Variants in APOOL observed in about 807,000 individuals in gnomAD.
APOOL encodes the protein MICOS complex subunit MIC27.
A neutral mutation model predicts 23.1 loss-of-function variants in APOOL; 12 were observed. The ratio of observed to expected loss-of-function variants is 0.52; its 90% confidence interval spans 0.33 to 0.84. APOOL has a LOEUF of 0.84. APOOL is among the 40% of genes least tolerant of loss of function. The probability of loss-of-function intolerance (pLI) is 0.02; values close to 1 mark genes in which losing one functional copy is unlikely to be tolerated. For synonymous variants in APOOL, 77 were observed against 69.9 expected, an observed-to-expected ratio of 1.10 and a Z score of -0.51; for missense variants, 212 against 199.6, an observed-to-expected ratio of 1.06 and a Z score of -0.37.
intron 5 of APOOL, among the ~76,000 whole-genome samples, chrX:85,056,626 C>A (rs953883968): frequency 2.7e-5 from 3 of 110,465 alleles, no homozygotes; most frequent in Non-Finnish European, 5.7e-5. Context: ...GCCTGTAATC[C>A]CAGCTACTCG....
chrX:85,092,815 A>C lies in APOOL; in HGVS notation c.*5137A>C, dbSNP rs1924567436. On this transcript the variant is annotated 3_prime_UTR_variant, in exon 9 of 9. Coordinates refer to ENST00000373173, the MANE Select transcript of APOOL (RefSeq NM_198450.6). ...ATCATACAGAAAAGGTGTACCTAAA[A>C]GAACACATGTTCTCATATGTTTCCA... is the stretch of plus-strand genomic sequence containing the variant. The C allele has an allele frequency of 5.9e-6, 2 of 341,111 alleles. No individual in the cohort carries two copies. The highest frequency in any genetic ancestry group is 5.1e-5 in the African/African-American group (2 of 39,038). 28.1% of individuals were successfully genotyped at this position (341,111 alleles called of 1,213,427 possible).
chrX:85,005,326 A>AC (rs1311911008), intron 1 of APOOL, among the ~76,000 whole-genome samples: 2 of 52,749 alleles, frequency 3.8e-5, no homozygotes, highest in African/African-American at 7.0e-5. Context: ...TTTTATTTTT[A>AC]TTTTTTAGTA....
At chrX:85,033,923 C>T (rs1922127364) in intron 1 of APOOL, among the ~76,000 whole-genome samples, 1 of 111,403 alleles carries the variant, frequency 9.0e-6, no homozygotes, top group Admixed American at 9.6e-5. Context: ...TGTTACTTCT[C>T]CCATTTTGTG....
chrX:85,009,274 A>G (rs1195047599), intron 1 of APOOL, among the ~76,000 whole-genome samples: 2 of 111,658 alleles, frequency 1.8e-5, no homozygotes, highest in African/African-American at 6.5e-5. Flanking sequence ...TTTGACTAGA[A>G]CTTCCAGTGC....
chrX:85,064,343 T>G (rs1923362304), intron 5 of APOOL, among the ~76,000 whole-genome samples: 1 of 107,911 alleles, frequency 9.3e-6, no homozygotes, highest in African/African-American at 3.4e-5. Context: ...CTCCTGGATT[T>G]TTTTTTTTTT....
At chrX:85,016,561 G>A (rs750634321) in intron 1 of APOOL, among the ~76,000 whole-genome samples, 50 of 110,740 alleles carry the variant, frequency 4.5e-4, no homozygotes, top group African/African-American at 1.5e-3. Context: ...CTCCTCTTAC[G>A]GGGATACACT....
At chrX:85,019,783 A>G (rs1282606381) in intron 1 of APOOL, among the ~76,000 whole-genome samples, 1 of 112,144 alleles carries the variant, frequency 8.9e-6, no homozygotes, top group Non-Finnish European at 1.9e-5. Context: ...GGGATATAAC[A>G]GTAACACAGA....
chrX:85,055,402 C>T, intron 4 of APOOL, among the ~76,000 whole-genome samples: 1 of 111,384 alleles, frequency 9.0e-6, no homozygotes, highest in South Asian at 3.7e-4. Flanking sequence ...TATCCTTAAA[C>T]TATTATTCAA....
chrX:85,070,352 T>G (rs1176213386), intron 6 of APOOL, among the ~76,000 whole-genome samples: 1 of 111,441 alleles, frequency 9.0e-6, no homozygotes, highest in Non-Finnish European at 1.9e-5. Context: ...TTACTCATCA[T>G]TTTGAAAATA....
intron 2 of APOOL, among the ~76,000 whole-genome samples, chrX:85,049,593 G>A (rs1159819631): frequency 9.0e-6 from 1 of 110,922 alleles, no homozygotes; most frequent in Non-Finnish European, 1.9e-5. Context: ...AGACCAGTCT[G>A]GGCAACAGGG....
intron 1 of APOOL, among the ~76,000 whole-genome samples, chrX:85,007,650 CG>C (rs955170497): frequency 4.5e-5 from 5 of 110,742 alleles, no homozygotes; most frequent in Non-Finnish European, 7.6e-5. Context: ...CTTCTGGAAT[CG>C]GGGAATTCCT....
In APOOL at chrX:85,057,387, C is replaced by T. The variant is rs7050194; in HGVS notation, c.394+1462C>T. Among the ~76,000 whole-genome samples the T allele has an allele frequency of 6.0e-3, 652 of 108,343 alleles. 5 individuals are homozygous for T. Among genetic ancestry groups the T allele is most frequent in the African/African-American group, 0.021 (629 of 29,872 alleles). The allele number at this position is 108,343 out of a possible 115,157, so 94.1% of individuals were successfully genotyped here. On this transcript the variant is annotated intron_variant, in intron 5 of 8. Coordinates refer to ENST00000373173, the MANE Select transcript of APOOL (RefSeq NM_198450.6). ...TGTAGTTTGTTTTTCCAGCTATAGT[C>T]CTAAAAGCCTCAAATCAAGGCATAA...
In APOOL at chrX:85,055,934, T is replaced by C. The variant is rs764217735; in HGVS notation, c.394+9T>C. On this transcript the variant is annotated intron_variant, in intron 5 of 8. Coordinates refer to ENST00000373173, the MANE Select transcript of APOOL (RefSeq NM_198450.6). ...GGTTTCAGCGAGAAAAGGTAGGGTTTTAAAAAATATATTCTCTCTTAATGC... is the reference window on the plus strand; with the variant it reads ...GGTTTCAGCGAGAAAAGGTAGGGTTCTAAAAAATATATTCTCTCTTAATGC... 1 of 1,141,241 alleles carries C rather than the reference T, an allele frequency of 8.8e-7. No individual in the cohort carries two copies. Among genetic ancestry groups the C allele is most frequent in the South Asian group, 2.0e-5 (1 of 50,146 alleles). The allele number at this position is 1,141,241 out of a possible 1,213,427, so 94.1% of individuals were successfully genotyped here.
intron 2 of APOOL, 51 bp from the exon 3 acceptor site, chrX:85,051,338 T>C (rs377104716): frequency 2.3e-5 from 28 of 1,196,610 alleles, no homozygotes; most frequent in Middle Eastern, 6.4e-4. Flanking sequence ...ACCGCTGTTA[T>C]GGACAGTCCA....
At chrX:85,026,986 C>T (rs1021610866) in intron 1 of APOOL, among the ~76,000 whole-genome samples, 2 of 111,746 alleles carry the variant, frequency 1.8e-5, no homozygotes, top group South Asian at 3.7e-4. Context: ...CTCCTGATAC[C>T]AATTTTCTGT....
chrX:85,081,173 G>GT (rs1924084300), intron 8 of APOOL, among the ~76,000 whole-genome samples: 1 of 111,859 alleles, frequency 8.9e-6, no homozygotes, highest in Admixed American at 9.5e-5. Flanking sequence ...AGTTGATGCA[G>GT]TTTTTTCCTA....
At chrX:85,019,209 C>T (rs1921576919) in intron 1 of APOOL, among the ~76,000 whole-genome samples, 1 of 111,849 alleles carries the variant, frequency 8.9e-6, no homozygotes, top group Middle Eastern at 4.6e-3. Flanking sequence ...GTGTTCCCTT[C>T]AATTTTATAT....
At chrX:85,041,727 G>T (rs1005287213) in intron 1 of APOOL, among the ~76,000 whole-genome samples, 1 of 111,188 alleles carries the variant, frequency 9.0e-6, no homozygotes. Flanking sequence ...GGGAATAGAG[G>T]GTCTATGGGG....
Position 85,088,125 on chromosome X carries a change from C to CATATACATATATGTATAAATACAT in APOOL, c.*450_*451insTACATATATGTATAAATACATATA, listed in dbSNP as rs371797707. 9.2e-5 allele frequency: 1 copy of CATATACATATATGTATAAATACAT among 10,895 alleles called. No individual in the cohort carries two copies. The highest frequency in any genetic ancestry group is 4.8e-4 in the African/African-American group (1 of 2,085). The allele number at this position is 10,895 out of a possible 1,213,427, so 0.9% of individuals were successfully genotyped here. A position where few individuals can be genotyped will look rare whatever the true frequency, so the allele number is the denominator to read the frequency against. ...ATATTTATACATATATGTATAAATACATACATATTTATACATATATGTATA... is the reference window on the plus strand; with the variant it reads ...ATATTTATACATATATGTATAAATACATATACATATATGTATAAATACATATACATATTTATACATATATGTATA... On this transcript the variant is annotated 3_prime_UTR_variant, in exon 9 of 9. Coordinates refer to ENST00000373173, the MANE Select transcript of APOOL (RefSeq NM_198450.6).
Sources: gnomAD v4.1 joint callset for allele counts (sites outside exome capture counted in the v4.1 genomes callset) on GRCh38, gnomAD v4.1.1 for gene constraint, MANE v1.5 for transcripts, NCBI Gene and HGNC (gene_info 2026-07-23, HGNC 2026-07-21) for gene names.